Variants in TMEM131L observed in about 807,000 individuals in gnomAD.
TMEM131L encodes transmembrane protein 131-like.
A neutral mutation model predicts 192.2 loss-of-function variants in TMEM131L; 54 were observed. The observed-to-expected ratio is 0.28, with a 90% CI of 0.23 to 0.35. The LOEUF (loss-of-function observed/expected upper bound fraction) is 0.35, where lower values mean the gene tolerates loss of function less well. Among genes scored for constraint, TMEM131L ranks in the 10% least tolerant of loss-of-function variants. The pLI is 1.00. For synonymous variants in TMEM131L, 701 were observed against 704.9 expected (o/e 0.99, Z 0.09); for missense variants, 1,888 against 1,972.9 (o/e 0.96, Z 0.82).
chr4:153,545,776 C>A (rs1385948771), intron 3 of TMEM131L, among the ~76,000 whole-genome samples: 1 of 152,156 alleles, frequency 6.6e-6, no homozygotes, highest in African/African-American at 2.4e-5. Flanking sequence ...CAGCTCTTTG[C>A]AGAAGGTCTT....
rs1311447951 is a variant in TMEM131L at position 153,588,880 on chromosome 4, T to C, written c.1553-10T>C. ...GTAAATCTAAATATGGAATCTGATC[T>C]AACTTTTAGGAAATCCTAATTGGAA... On this transcript the variant is annotated splice_polypyrimidine_tract_variant and intron_variant, in intron 15 of 34. Coordinates refer to ENST00000409959, the MANE Select transcript of TMEM131L (RefSeq NM_001131007.2). 1.4e-5 allele frequency: 20 copies of C among 1,381,142 alleles called. No homozygotes were observed. The highest frequency in any genetic ancestry group is 2.1e-5 in the Non-Finnish European group (20 of 968,784). The allele number at this position is 1,381,142 out of a possible 1,614,324, so 85.6% of individuals were successfully genotyped here. A position where few individuals can be genotyped will look rare whatever the true frequency, so the allele number is the denominator to read the frequency against.
At chr4:153,487,186 T>C (rs1434778734) in intron 3 of TMEM131L, among the ~76,000 whole-genome samples, 1 of 152,168 alleles carries the variant, frequency 6.6e-6, no homozygotes, top group Non-Finnish European at 1.5e-5. Context: ...TGTTACAAAA[T>C]ATACTTTTTG....
Position 153,550,079 on chromosome 4 carries a change from G to C in TMEM131L, c.246G>C (p.Ser82=). ...CTCTCTTTTCTTTTTTTAGCTTCTC[G>C]GACAAACTATTTAGTGGAAAAGGCT... ...LEEPSQEQSF[S]DKLFSGKGLH... Residue 82 remains serine (S), a synonymous_variant, in exon 4 of 35, where the codon TCG becomes TCC. Transcript: ENST00000409959. 1 of 1,473,602 alleles carries C rather than the reference G, an allele frequency of 6.8e-7. No individual in the cohort carries two copies. Among genetic ancestry groups the C allele is most frequent in the Non-Finnish European group, 9.1e-7 (1 of 1,100,840 alleles). 91.3% of individuals were successfully genotyped at this position (1,473,602 alleles called of 1,614,324 possible).
chr4:153,600,831 C>T (rs1365062423), intron 21 of TMEM131L, among the ~76,000 whole-genome samples: 1 of 152,178 alleles, frequency 6.6e-6, no homozygotes, highest in African/African-American at 2.4e-5. Context: ...TTATTAGAGG[C>T]CAGGCATGGT....
chr4:153,500,387 G>A (rs1733517039), intron 3 of TMEM131L, among the ~76,000 whole-genome samples: 2 of 152,166 alleles, frequency 1.3e-5, no homozygotes, highest in South Asian at 2.1e-4. Context: ...GATTACAGGC[G>A]TGAGCCACCA....
chr4:153,610,810 G>T (rs1264225075), intron 25 of TMEM131L, among the ~76,000 whole-genome samples: 1 of 152,146 alleles, frequency 6.6e-6, no homozygotes, highest in Non-Finnish European at 1.5e-5. Flanking sequence ...AGCCTCTGCT[G>T]GTAATCTGGT....
At chr4:153,616,239 C>T (rs906034722) in intron 26 of TMEM131L, among the ~76,000 whole-genome samples, 1 of 152,218 alleles carries the variant, frequency 6.6e-6, no homozygotes, top group South Asian at 2.1e-4. Flanking sequence ...GGTGGATTCT[C>T]TGGTGCAGAT....
At chr4:153,619,352 G>A (rs1413121885) in intron 26 of TMEM131L, among the ~76,000 whole-genome samples, 1 of 152,206 alleles carries the variant, frequency 6.6e-6, no homozygotes, top group East Asian at 1.9e-4. Flanking sequence ...AAGAAATGTG[G>A]TGCATGTCTG....
intron 4 of TMEM131L, 81 bp downstream of exon 4, chr4:153,550,222 T>C (rs563413502): frequency 1.4e-5 from 8 of 570,916 alleles, no homozygotes; most frequent in South Asian, 1.2e-4. Context: ...ATATGTACAA[T>C]GTTAAATTTT....
intron 7 of TMEM131L, among the ~76,000 whole-genome samples, chr4:153,577,761 A>G (rs1179743565): frequency 6.6e-6 from 1 of 152,166 alleles, no homozygotes; most frequent in Non-Finnish European, 1.5e-5. Flanking sequence ...CTGAAGTGAA[A>G]GGGGTTTTCA....
At chr4:153,589,737 A>C (rs1195354710) in intron 16 of TMEM131L, among the ~76,000 whole-genome samples, 2 of 152,130 alleles carry the variant, frequency 1.3e-5, no homozygotes, top group African/African-American at 4.8e-5. Context: ...AATTTTGACA[A>C]ATTTCAAACC....
chr4:153,515,026 G>C (rs1183962739), intron 3 of TMEM131L, among the ~76,000 whole-genome samples: 1 of 151,932 alleles, frequency 6.6e-6, no homozygotes, highest in African/African-American at 2.4e-5. Flanking sequence ...TGGCCAGGCT[G>C]GTCTCGAACT....
At chr4:153,548,055 C>T (rs185261841) in intron 3 of TMEM131L, among the ~76,000 whole-genome samples, 21 of 152,152 alleles carry the variant, frequency 1.4e-4, no homozygotes, top group Admixed American at 1.2e-3. Flanking sequence ...TGAGCCTGGC[C>T]AGCTCCGTCT....
rs184521106 is a variant in TMEM131L, at chr4:153,466,430, C to T, written c.33C>T (p.Cys11=). 1.9e-3 allele frequency: 2,656 copies of T among 1,397,392 alleles called. 47 individuals carry two copies. The African/African-American group carries it at 0.035, about 18-fold the overall frequency. 86.6% of individuals were successfully genotyped at this position (1,397,392 alleles called of 1,614,324 possible). Reference sequence around the variant, plus strand: ...GGCTCCGACGCCCGCAGCCCGGCTGCTACTGCCGCACCGCGGCGGCCGTGA... The same window carrying T: ...GGCTCCGACGCCCGCAGCCCGGCTGTTACTGCCGCACCGCGGCGGCCGTGA... MAGLRRPQPG[C]YCRTAAAVNL... Residue 11 remains cysteine (C), a synonymous_variant, in exon 1 of 35, where the codon TGC becomes TGT. Coordinates refer to ENST00000409959, the MANE Select transcript of TMEM131L (RefSeq NM_001131007.2).
Position 153,557,063 on chromosome 4 carries a change from A to G in TMEM131L, c.530A>G (p.Tyr177Cys), listed in dbSNP as rs1003054554. The change falls in exon 6 of 35, where the codon TAT (tyrosine) becomes TGT (cysteine). Residue 177 changes from tyrosine (Y) to cysteine (C), a missense_variant. Coordinates refer to ENST00000409959, the MANE Select transcript of TMEM131L (RefSeq NM_001131007.2). The stretch of plus-strand genomic sequence containing the variant: ...TCCTTATTTATTAATACCTCTTCGT[A>G]TGGAGTCCTTTCCTATCATGTGAGT... Reference protein sequence around the residue: ...ESSLFINTSSYGVLSYHVSGI... With the variant: ...ESSLFINTSSCGVLSYHVSGI... 1.3e-6 allele frequency: 2 copies of G among 1,516,096 alleles called. No homozygotes were observed. Among genetic ancestry groups the G allele is most frequent in the Admixed American group, 1.7e-5 (1 of 59,412 alleles). The allele number at this position is 1,516,096 out of a possible 1,614,324, so 93.9% of individuals were successfully genotyped here.
chr4:153,626,268 C>A, intron 30 of TMEM131L, 43 bp downstream of exon 30: 1 of 1,182,546 alleles, frequency 8.5e-7, no homozygotes, highest in Non-Finnish European at 1.3e-6. Context: ...GTTTTGTGTA[C>A]TGCTTTTTCT....
chr4:153,534,425 G>A (rs907675371), intron 3 of TMEM131L, among the ~76,000 whole-genome samples: 2 of 151,790 alleles, frequency 1.3e-5, no homozygotes, highest in Non-Finnish European at 2.9e-5. Context: ...GGAGGTGGAG[G>A]ATTTATTTTT....
At chr4:153,600,368 GAA>G (rs34507956) in intron 21 of TMEM131L, among the ~76,000 whole-genome samples, 38,201 of 125,574 alleles carry the variant, frequency 0.3, 5,032 homozygotes, top group Non-Finnish European at 0.35. Flanking sequence ...CCCTGTCTCA[GAA>G]AAAAAAAAAA....
rs574611628 is a variant in TMEM131L at position 153,532,297 on chromosome 4, G to A, written c.240-17776G>A. The stretch of plus-strand genomic sequence containing the variant: ...CAGGAGGCGTATGTGTGCACAGAAA[G>A]GGAATGAGCTTGTGTAGAGCTTGTA... On this transcript the variant is annotated intron_variant, in intron 3 of 34. Coordinates refer to ENST00000409959, the MANE Select transcript of TMEM131L (RefSeq NM_001131007.2). 1.3e-5 allele frequency among the ~76,000 whole-genome samples: 2 copies of A among 152,194 alleles called. 1 individual carries two copies. The highest frequency in any genetic ancestry group is 4.1e-4 in the South Asian group (2 of 4,822).
Sources: allele counts gnomAD v4.1 joint callset (sites outside exome capture counted in the v4.1 genomes callset), GRCh38; gene constraint gnomAD v4.1.1; transcripts MANE v1.5; gene names NCBI Gene and HGNC (gene_info 2026-07-23, HGNC 2026-07-21).